Variants in MYL11 observed in about 807,000 individuals in gnomAD.
MYL11 encodes the protein myosin regulatory light chain 11.
At chr16:30,376,290 CCAGCCCTGT>C in the MYL11 span, 1 of 1,574,476 alleles carries the variant, frequency 6.4e-7, no homozygotes, top group Non-Finnish European at 8.7e-7. Flanking sequence ...GCCTTGGGTT[CCAGCCCTGT>C]CAGCTCCACC....
the MYL11 span, among the ~76,000 whole-genome samples, chr16:30,373,553 G>T: frequency 2.1e-4 from 31 of 148,902 alleles, no homozygotes; most frequent in Admixed American, 7.4e-4. Context: ...CCAAGATCAC[G>T]CCACTGCACT....
the MYL11 span, among the ~76,000 whole-genome samples, chr16:30,374,265 G>A: frequency 6.6e-5 from 10 of 150,790 alleles, no homozygotes; most frequent in Admixed American, 2.6e-4. Flanking sequence ...GCAGTGAACC[G>A]AGATCACACT....
the MYL11 span, chr16:30,376,006 G>T: frequency 4.2e-5 from 63 of 1,507,644 alleles, no homozygotes; most frequent in Non-Finnish European, 5.4e-5. Context: ...GAGGGGAAAG[G>T]TTTAGAATTC....
the MYL11 span, chr16:30,374,777 A>T: frequency 1.9e-6 from 3 of 1,561,844 alleles, no homozygotes; most frequent in Non-Finnish European, 8.7e-7. Context: ...AGGACTATAT[A>T]ACCCCAGAGG....
chr16:30,377,795 G>C, the MYL11 span: 1 of 1,614,038 alleles, frequency 6.2e-7, no homozygotes, highest in South Asian at 1.1e-5. Context: ...TCTTTCCCCA[G>C]ATCAAGAACA....
the MYL11 span, among the ~76,000 whole-genome samples, chr16:30,371,788 C>A: frequency 6.6e-6 from 1 of 152,184 alleles, no homozygotes; most frequent in Non-Finnish European, 1.5e-5. Flanking sequence ...CTGTGCTCCT[C>A]ATGTTCCACT....
At chr16:30,371,441 C>T in the MYL11 span, among the ~76,000 whole-genome samples, 1 of 152,182 alleles carries the variant, frequency 6.6e-6, no homozygotes, top group Non-Finnish European at 1.5e-5. Flanking sequence ...ATCTCGGCCC[C>T]CAACTAACCC....
At chr16:30,375,185 G>T in the MYL11 span, among the ~76,000 whole-genome samples, 5 of 152,260 alleles carry the variant, frequency 3.3e-5, no homozygotes, top group Admixed American at 2.0e-4. Context: ...AGAGGCTCAG[G>T]CCAGGTGCTG....
the MYL11 span, chr16:30,375,793 C>G: frequency 6.3e-7 from 1 of 1,592,972 alleles, no homozygotes; most frequent in Non-Finnish European, 8.6e-7. Flanking sequence ...GGTCCATGGG[C>G]CCCTTTGTTC....
the MYL11 span, among the ~76,000 whole-genome samples, chr16:30,374,158 G>GA: frequency 1.4e-4 from 21 of 149,096 alleles, no homozygotes; most frequent in South Asian, 6.4e-4. Context: ...TAAAAATACA[G>GA]AAAAAAAAAA....
the MYL11 span, chr16:30,377,801 G>C: frequency 1.9e-6 from 3 of 1,614,134 alleles, no homozygotes; most frequent in Non-Finnish European, 2.5e-6. Context: ...CCCAGATCAA[G>C]AACATGTGGG....
chr16:30,376,199 C>T, the MYL11 span: 6 of 1,613,870 alleles, frequency 3.7e-6, no homozygotes, highest in Non-Finnish European at 5.1e-6. Context: ...GGAGGACCTT[C>T]GGGACACCTT....
the MYL11 span, among the ~76,000 whole-genome samples, chr16:30,374,217 A>G: frequency 6.6e-6 from 1 of 151,964 alleles, no homozygotes; most frequent in African/African-American, 2.4e-5. Flanking sequence ...TCGGGAGGCC[A>G]AGATAGGAGA....
chr16:30,372,992 A>T, the MYL11 span: 1 of 152,058 alleles, frequency 6.6e-6, no homozygotes, highest in East Asian at 1.9e-4. Context: ...TGCGCCCTCC[A>T]CTTCTGGGCT....
chr16:30,377,580 C>G, the MYL11 span: 2 of 1,367,370 alleles, frequency 1.5e-6, no homozygotes, highest in Non-Finnish European at 1.9e-6. Flanking sequence ...GGGCTGGCAT[C>G]GGGGATGAGG....
At chr16:30,377,919 G>A in the MYL11 span, 3 of 1,590,966 alleles carry the variant, frequency 1.9e-6, no homozygotes, top group South Asian at 3.3e-5. Flanking sequence ...GCGGGCCTCC[G>A]CTGCCCGACG....
At chr16:30,372,744 CCTT>C in the MYL11 span, 3 of 148,586 alleles carry the variant, frequency 2.0e-5, no homozygotes, top group Non-Finnish European at 4.4e-5. Flanking sequence ...TAGATCACAT[CCTT>C]CTTCTGCATG....
the MYL11 span, chr16:30,375,793 C>CAGGGTCCATGGGCAGGG: frequency 6.3e-7 from 1 of 1,592,972 alleles, no homozygotes; most frequent in Non-Finnish European, 8.6e-7. Flanking sequence ...GGTCCATGGG[C>CAGGGTCCATGGGCAGGG]CCCTTTGTTC....
the MYL11 span, chr16:30,377,544 G>A: frequency 8.4e-7 from 1 of 1,189,134 alleles, no homozygotes. Context: ...AGGAAGTAGA[G>A]TGACCTGGGT....
Sources: allele counts gnomAD v4.1 joint callset (sites outside exome capture counted in the v4.1 genomes callset), GRCh38; gene constraint gnomAD v4.1.1; transcripts MANE v1.5; gene names NCBI Gene and HGNC (gene_info 2026-07-23, HGNC 2026-07-21).